RANBP2: variants seen among roughly 807,000 people sequenced by gnomAD.
The protein encoded by RANBP2 is E3 SUMO-protein ligase RanBP2.
RANBP2 carries 57 observed loss-of-function variants against 303.6 expected under a neutral mutation model. That is an observed-to-expected ratio of 0.19 (90% CI 0.15 to 0.23). RANBP2 has a LOEUF of 0.23. Ranked by LOEUF, RANBP2 falls within the 10% of genes least tolerant of loss-of-function variation. RANBP2 has a pLI of 1.00. For missense variants in RANBP2, 3,138 were observed against 3,780.8 expected (o/e 0.83, Z 4.46); for synonymous variants, 1,167 against 1,301.5 (o/e 0.90, Z 2.23).
At chr2:109,128,920 GC>G in the RANBP2 span, 1 of 374,780 alleles carries the variant, frequency 2.7e-6, no homozygotes, top group Non-Finnish European at 5.4e-6. Flanking sequence ...GGGAAGTCCT[GC>G]AGGCACGGCG....
the RANBP2 span, among the ~76,000 whole-genome samples, chr2:109,469,241 G>A: frequency 6.6e-6 from 1 of 152,222 alleles, no homozygotes; most frequent in Non-Finnish European, 1.5e-5. Flanking sequence ...GGATGAGTGA[G>A]AATTTATCAG....
the RANBP2 span, among the ~76,000 whole-genome samples, chr2:108,854,065 T>G: frequency 1.6e-5 from 2 of 123,002 alleles, no homozygotes; most frequent in African/African-American, 6.6e-5. Flanking sequence ...ATTATATATA[T>G]TTTATATATA....
the RANBP2 span, among the ~76,000 whole-genome samples, chr2:108,949,153 G>T: frequency 6.6e-6 from 1 of 151,888 alleles, no homozygotes; most frequent in Non-Finnish European, 1.5e-5. Flanking sequence ...AATTTTTTTT[G>T]TAGTTTTTTG....
Position 108,768,312 on chromosome 2 carries a change from C to T in RANBP2, c.7773C>T (p.Ser2591=). ...CTGATATCGAACAGTCTTCAGATAG[C>T]AAAGTCAAAAATCTCTTTGCTTCCT... ...KNSDIEQSSD[S]KVKNLFASFP... is the part of the protein sequence containing the mutation. Residue 2591 remains serine (S), a synonymous_variant, in exon 20 of 29, where the codon AGC becomes AGT. Coordinates refer to ENST00000283195, the MANE Select transcript of RANBP2 (RefSeq NM_006267.5). The T allele has an allele frequency of 1.2e-6, 2 of 1,611,990 alleles. No homozygotes were observed. Among genetic ancestry groups the T allele is most frequent in the Admixed American group, 3.3e-5 (2 of 60,010 alleles).
At chr2:108,910,718 C>A in the RANBP2 span, 3 of 1,589,356 alleles carry the variant, frequency 1.9e-6, no homozygotes, top group Non-Finnish European at 2.6e-6. Flanking sequence ...TCTGGGAACG[C>A]CCTCCACCCA....
chr2:108,993,256 T>TTGTACAAAGGTCC, the RANBP2 span, among the ~76,000 whole-genome samples: 1 of 152,096 alleles, frequency 6.6e-6, no homozygotes, highest in African/African-American at 2.4e-5. Context: ...ACCAAAGGTC[T>TTGTACAAAGGTCC]TGTACAAAGG....
chr2:108,776,163 A>G (rs1165586818), intron 24 of RANBP2, among the ~76,000 whole-genome samples: 1 of 152,170 alleles, frequency 6.6e-6, no homozygotes, highest in East Asian at 1.9e-4. Flanking sequence ...AATACAAAGC[A>G]TTATGATTCT....
the RANBP2 span, among the ~76,000 whole-genome samples, chr2:108,823,831 G>A: frequency 6.6e-6 from 1 of 152,154 alleles, no homozygotes. Context: ...ACAGAAATTA[G>A]TTGGGCGTGG....
the RANBP2 span, among the ~76,000 whole-genome samples, chr2:109,123,724 G>A: frequency 1.3e-5 from 2 of 152,226 alleles, no homozygotes; most frequent in African/African-American, 4.8e-5. Flanking sequence ...ATAGGGCTGG[G>A]TGGTGGAAGA....
chr2:109,360,446 T>C, the RANBP2 span, among the ~76,000 whole-genome samples: 1 of 152,236 alleles, frequency 6.6e-6, no homozygotes, highest in East Asian at 1.9e-4. Flanking sequence ...TAAAATGTTG[T>C]ATAAAATTAC....
At chr2:108,978,173 G>A in the RANBP2 span, among the ~76,000 whole-genome samples, 4 of 152,246 alleles carry the variant, frequency 2.6e-5, no homozygotes, top group African/African-American at 9.6e-5. Flanking sequence ...AGGGCCTGCT[G>A]AGCTACGGCC....
the RANBP2 span, chr2:109,567,956 A>C: frequency 4.8e-5 from 78 of 1,611,688 alleles, no homozygotes; most frequent in Non-Finnish European, 5.6e-5. Flanking sequence ...CTGCTTTGGC[A>C]ATCACTGGTA....
the RANBP2 span, among the ~76,000 whole-genome samples, chr2:109,520,751 T>G: frequency 7.3e-6 from 1 of 137,870 alleles, no homozygotes; most frequent in African/African-American, 2.5e-5. Context: ...GCCAATACGG[T>G]GAAACCCTGT....
At chr2:109,766,637 A>G in the RANBP2 span, among the ~76,000 whole-genome samples, 1 of 149,880 alleles carries the variant, frequency 6.7e-6, no homozygotes, top group Non-Finnish European at 1.5e-5. Flanking sequence ...TGTTAACCAC[A>G]ATGGGTCTAA....
the RANBP2 span, among the ~76,000 whole-genome samples, chr2:109,019,568 G>A: frequency 1.3e-5 from 2 of 152,150 alleles, no homozygotes; most frequent in African/African-American, 4.8e-5. Context: ...CCTTCTCCAA[G>A]GGAAGAACAC....
chr2:109,420,367 G>A, the RANBP2 span, among the ~76,000 whole-genome samples: 1 of 150,694 alleles, frequency 6.6e-6, no homozygotes, highest in Non-Finnish European at 1.5e-5. Context: ...TGAATGCAGG[G>A]TGGGTAGACG....
At chr2:109,433,294 G>A in the RANBP2 span, among the ~76,000 whole-genome samples, 3 of 152,238 alleles carry the variant, frequency 2.0e-5, no homozygotes, top group Non-Finnish European at 2.9e-5. Context: ...AAAGGTCAAC[G>A]ATTGTTGAGT....
chr2:109,563,476 C>T, the RANBP2 span, among the ~76,000 whole-genome samples: 1 of 152,152 alleles, frequency 6.6e-6, no homozygotes, highest in Non-Finnish European at 1.5e-5. Context: ...TAAAATAGCA[C>T]TTGTCCCAAG....
chr2:109,048,781 A>C, the RANBP2 span, among the ~76,000 whole-genome samples: 1 of 152,214 alleles, frequency 6.6e-6, no homozygotes, highest in Non-Finnish European at 1.5e-5. Flanking sequence ...AGATGGAATA[A>C]AGAAGTTGAC....
Sources: gnomAD v4.1 joint callset for allele counts (sites outside exome capture counted in the v4.1 genomes callset) on GRCh38, gnomAD v4.1.1 for gene constraint, MANE v1.5 for transcripts, NCBI Gene and HGNC (gene_info 2026-07-23, HGNC 2026-07-21) for gene names.